The following GPC5 variants were observed in gnomAD, a reference collection of about 807,000 sequenced individuals.
The protein encoded by GPC5 is glypican 5.
A neutral mutation model predicts 53.9 loss-of-function variants in GPC5; 47 were observed. The observed-to-expected ratio is 0.87, with a 90% confidence interval of 0.69 to 1.11. The LOEUF (loss-of-function observed/expected upper bound fraction) is 1.11. Among genes scored for constraint, GPC5 ranks in the 50% most tolerant of loss-of-function variants. The pLI, the probability that GPC5 is intolerant of heterozygous loss-of-function variation, is 0.00. For missense variants in GPC5, 748 were observed against 713.1 expected (o/e 1.05, Z -0.56); for synonymous variants, 286 against 263.3 (o/e 1.09, Z -0.84).
chr13:92,765,388 T>C (rs1210822719), intron 7 of GPC5, among the ~76,000 whole-genome samples: 1 of 152,208 alleles, frequency 6.6e-6, no homozygotes, highest in Non-Finnish European at 1.5e-5. Context: ...TCAATTTGGA[T>C]TTTCTTTCTT....
chr13:92,517,671 C>A (rs1332310276), intron 7 of GPC5, among the ~76,000 whole-genome samples: 1 of 152,112 alleles, frequency 6.6e-6, no homozygotes, highest in African/African-American at 2.4e-5. Context: ...ACACCAAAAC[C>A]CCATCTGTAC....
chr13:91,728,960 C>T (rs1018759657), intron 4 of GPC5, among the ~76,000 whole-genome samples: 2 of 152,034 alleles, frequency 1.3e-5, no homozygotes, highest in Non-Finnish European at 2.9e-5. Context: ...TAAAATGTGA[C>T]CAGTGTGACT....
At chr13:92,088,505 TTA>T (rs2041353544) in intron 6 of GPC5, among the ~76,000 whole-genome samples, 1 of 152,120 alleles carries the variant, frequency 6.6e-6, no homozygotes, top group South Asian at 2.1e-4. Context: ...GACTGAGTCC[TTA>T]GGGGCCCCAA....
chr13:91,477,564 G>A (rs1228284532), intron 2 of GPC5, among the ~76,000 whole-genome samples: 1 of 152,160 alleles, frequency 6.6e-6, no homozygotes, highest in African/African-American at 2.4e-5. Flanking sequence ...GGTTTAGTTG[G>A]ACATACAAAT....
intron 7 of GPC5, among the ~76,000 whole-genome samples, chr13:92,558,282 G>T (rs1031599463): frequency 6.6e-6 from 1 of 151,938 alleles, no homozygotes; most frequent in Admixed American, 6.6e-5. Context: ...TACATAAATT[G>T]CAATGATTAT....
At chr13:92,355,667 C>T (rs909111291) in intron 7 of GPC5, among the ~76,000 whole-genome samples, 1 of 152,094 alleles carries the variant, frequency 6.6e-6, no homozygotes, top group African/African-American at 2.4e-5. Context: ...ATAATGAATT[C>T]AACATGCTGA....
At chr13:92,411,047 C>T (rs1876018840) in intron 7 of GPC5, among the ~76,000 whole-genome samples, 1 of 152,082 alleles carries the variant, frequency 6.6e-6, no homozygotes, top group Non-Finnish European at 1.5e-5. Context: ...CCAGTGTGGC[C>T]ATCCTACGGT....
At chr13:91,820,879 C>T (rs928980600) in intron 5 of GPC5, among the ~76,000 whole-genome samples, 4 of 151,916 alleles carry the variant, frequency 2.6e-5, no homozygotes, top group Non-Finnish European at 5.9e-5. Flanking sequence ...AGGAGAATGG[C>T]ATGAACCCGG....
intron 2 of GPC5, among the ~76,000 whole-genome samples, chr13:91,571,173 C>T (rs1330433607): frequency 6.6e-6 from 1 of 152,112 alleles, no homozygotes; most frequent in African/African-American, 2.4e-5. Context: ...ATTTTACCTC[C>T]AGAGTCAATA....
At chr13:92,358,172 A>G (rs1457389646) in intron 7 of GPC5, among the ~76,000 whole-genome samples, 1 of 151,806 alleles carries the variant, frequency 6.6e-6, no homozygotes, top group African/African-American at 2.4e-5. Flanking sequence ...ACAATTGGCT[A>G]CAGGCTCCAT....
At chr13:92,158,986 G>A (rs1294235522) in intron 7 of GPC5, among the ~76,000 whole-genome samples, 1 of 152,120 alleles carries the variant, frequency 6.6e-6, no homozygotes, top group Non-Finnish European at 1.5e-5. Context: ...ATATCTCAGT[G>A]AAATGAGTGT....
chr13:92,405,922 T>C (rs757304034), intron 7 of GPC5, among the ~76,000 whole-genome samples: 17 of 152,198 alleles, frequency 1.1e-4, no homozygotes, highest in Non-Finnish European at 1.8e-4. Context: ...GTGGTATCCT[T>C]CCAAGTATCA....
chr13:92,795,621 A>G (rs896650126), intron 7 of GPC5, among the ~76,000 whole-genome samples: 1 of 152,178 alleles, frequency 6.6e-6, no homozygotes, highest in Non-Finnish European at 1.5e-5. Flanking sequence ...AATTTTTGCA[A>G]TATACTCATC....
chr13:92,799,292 CAG>C (rs1271288282), intron 7 of GPC5, among the ~76,000 whole-genome samples: 2 of 151,692 alleles, frequency 1.3e-5, no homozygotes, highest in South Asian at 4.1e-4. Flanking sequence ...TAACTTCAAA[CAG>C]ACACATATTA....
intron 6 of GPC5, among the ~76,000 whole-genome samples, chr13:92,003,769 T>G (rs2040578816): frequency 6.6e-6 from 1 of 152,228 alleles, no homozygotes; most frequent in Admixed American, 6.5e-5. Context: ...CTTTCACATC[T>G]ACTGTGAACA....
intron 2 of GPC5, among the ~76,000 whole-genome samples, chr13:91,619,692 T>C (rs1471628063): frequency 6.6e-6 from 1 of 152,132 alleles, no homozygotes; most frequent in Non-Finnish European, 1.5e-5. Context: ...CCGATCTGTA[T>C]AAGAATGTGT....
chr13:91,845,093 G>A (rs950517262), intron 5 of GPC5, among the ~76,000 whole-genome samples: 1 of 152,046 alleles, frequency 6.6e-6, no homozygotes, highest in Non-Finnish European at 1.5e-5. Context: ...ACTATACAGT[G>A]ATTCTCCACC....
At chr13:91,777,368 T>C (rs1170393852) in intron 5 of GPC5, among the ~76,000 whole-genome samples, 3 of 152,246 alleles carry the variant, frequency 2.0e-5, no homozygotes, top group Non-Finnish European at 4.4e-5. Context: ...TATGCTGTTA[T>C]GCTTTGACAG....
intron 5 of GPC5, among the ~76,000 whole-genome samples, chr13:91,784,637 T>A (rs988674577): frequency 2.6e-5 from 4 of 150,990 alleles, no homozygotes; most frequent in Admixed American, 2.6e-4. Context: ...GGCACGAGAA[T>A]CGCTTGAACC....
Sources: gnomAD v4.1 joint callset for allele counts (sites outside exome capture counted in the v4.1 genomes callset) on GRCh38, gnomAD v4.1.1 for gene constraint, MANE v1.5 for transcripts, NCBI Gene and HGNC (gene_info 2026-07-23, HGNC 2026-07-21) for gene names.